ZNF684: variants seen among roughly 807,000 people sequenced by gnomAD.
ZNF684 encodes hypothetical protein MGC27466.
In ZNF684, 13 loss-of-function variants were observed where a neutral mutation model predicts 12.8. The observed-to-expected ratio is 1.02, with a 90% CI of 0.66 to 1.62. The LOEUF (loss-of-function observed/expected upper bound fraction) is 1.62. ZNF684 is among the 40% of genes most tolerant of loss of function. ZNF684 has a pLI of 0.00. For missense variants in ZNF684, 384 were observed against 446.9 expected, an observed-to-expected ratio of 0.86 and a Z score of 1.27; for synonymous variants, 118 against 151.8, an observed-to-expected ratio of 0.78 and a Z score of 1.64.
chr1:40,536,134 C>A (rs1645982514), intron 2 of ZNF684, among the ~76,000 whole-genome samples: 1 of 152,156 alleles, frequency 6.6e-6, no homozygotes, highest in African/African-American at 2.4e-5. Flanking sequence ...TGGCTCACGC[C>A]TGTAATCCCA....
chr1:40,543,994 CT>C lies in ZNF684; in HGVS notation c.238+2295del, dbSNP rs745382844. ...GGCTTTTAAGGCCTGTTTTCTTTTT[CT>C]TTTTTTTTTTATGATAGTGCCTGAA... On this transcript the variant is annotated intron_variant, in intron 4 of 4. Transcript: ENST00000372699. Among the ~76,000 whole-genome samples the C allele has an allele frequency of 3.3e-3, 469 of 143,700 alleles. 2 individuals carry two copies. Among genetic ancestry groups the C allele is most frequent in the Non-Finnish European group, 5.6e-3 (362 of 65,104 alleles). The allele number at this position is 143,700 out of a possible 152,430, so 94.3% of individuals were successfully genotyped here.
chr1:40,534,678 A>G (rs896770706), intron 2 of ZNF684, among the ~76,000 whole-genome samples: 10 of 151,692 alleles, frequency 6.6e-5, no homozygotes, highest in Non-Finnish European at 1.0e-4. Flanking sequence ...CTAATTGGCT[A>G]TTTTGGTAAA....
intron 2 of ZNF684, among the ~76,000 whole-genome samples, chr1:40,536,246 T>C (rs1361303423): frequency 4.0e-5 from 6 of 151,782 alleles, no homozygotes; most frequent in Admixed American, 2.6e-4. Context: ...ACAAAAAAAT[T>C]AGCCGGGCAT....
At chr1:40,541,757 A>G (rs747249622) in intron 4 of ZNF684, 47 bp downstream of exon 4, 3 of 1,507,784 alleles carry the variant, frequency 2.0e-6, no homozygotes, top group Non-Finnish European at 2.8e-6. Context: ...TGAGATCCCC[A>G]TTGGTCAGTG....
rs923975946 is a variant in ZNF684, at chr1:40,548,052, A to G, written c.*592A>G. 6.6e-6 allele frequency: 1 copy of G among 152,238 alleles called. No homozygotes were observed. The highest frequency in any genetic ancestry group is 2.4e-5 in the African/African-American group (1 of 41,448). 9.4% of individuals were successfully genotyped at this position (152,238 alleles called of 1,614,324 possible). ...TTTTCCTATGTATGTAAATACCAGA[A>G]CAAAAAACAAGACACTAATTGAGGA... On this transcript the variant is annotated 3_prime_UTR_variant, in exon 5 of 5. Transcript: ENST00000372699.
rs1432273047 is a variant in ZNF684 at position 40,540,713 on chromosome 1, G to A, written c.142+1G>A. 4 of 1,596,358 alleles carry A rather than the reference G, an allele frequency of 2.5e-6. No individual in the cohort carries two copies. In the East Asian group the frequency reaches 9.1e-5, roughly 36 times the overall value. The stretch of plus-strand genomic sequence containing the variant: ...AACTATAGAAACCTCATCTCAGTGG[G>A]TAAGGACAATGAGTGGTAACTTTTC... On this transcript the variant is annotated splice_donor_variant, in intron 3 of 4. Transcript: ENST00000372699. LOFTEE classifies it high-confidence loss of function.
At chr1:40,540,111 A>G (rs1437527663) in intron 2 of ZNF684, among the ~76,000 whole-genome samples, 1 of 152,098 alleles carries the variant, frequency 6.6e-6, no homozygotes, top group Non-Finnish European at 1.5e-5. Context: ...TTTAATTTTG[A>G]TGAATTCCTA....
chr1:40,539,651 A>G (rs1646004143), intron 2 of ZNF684, among the ~76,000 whole-genome samples: 1 of 152,190 alleles, frequency 6.6e-6, no homozygotes, highest in East Asian at 1.9e-4. Flanking sequence ...AACTGTCCTC[A>G]TAGAAGTGAA....
In ZNF684 at chr1:40,533,175, C is replaced by T. The variant is rs781465273; in HGVS notation, c.9C>T (p.Ser3=). The part of the protein sequence containing the change: MI[S]FQESVTFQDV... The stretch of plus-strand genomic sequence containing the variant: ...TGTAAGAGCTGCAGAAAATGATCAG[C>T]TTCCAGGTAAGGTATCCATCTATTC... Residue 3 remains serine (S), a synonymous_variant, in exon 2 of 5, where the codon AGC becomes AGT. Coordinates refer to ENST00000372699, the MANE Select transcript of ZNF684 (RefSeq NM_152373.4). The T allele has an allele frequency of 5.6e-6, 9 of 1,613,534 alleles. No homozygotes were observed. Among genetic ancestry groups the T allele is most frequent in the Non-Finnish European group, 6.8e-6 (8 of 1,179,702 alleles).
chr1:40,539,096 CT>C (rs1646000489), intron 2 of ZNF684, among the ~76,000 whole-genome samples: 3 of 151,872 alleles, frequency 2.0e-5, no homozygotes, highest in Non-Finnish European at 4.4e-5. Flanking sequence ...GTGGCGCAAT[CT>C]CGGCTCACTG....
chr1:40,547,242 G>A lies in ZNF684; in HGVS notation c.919G>A (p.Ala307Thr), dbSNP rs1417443834. The stretch of plus-strand genomic sequence containing the variant: ...CTACCAGTGTATCATATGTGGCAAA[G>A]CTTTTGGCAACACATCCGTGCTTGT... ...KPYQCIICGKAFGNTSVLVTH... is the reference protein window; with the variant it reads ...KPYQCIICGKTFGNTSVLVTH... Residue 307 changes from alanine (A) to threonine (T), a missense_variant, in exon 5 of 5, where the codon GCT becomes ACT. Transcript: ENST00000372699. The A allele has an allele frequency of 2.5e-6, 4 of 1,614,178 alleles. No homozygotes were observed. Among genetic ancestry groups the A allele is most frequent in the Admixed American group, 3.3e-5 (2 of 60,010 alleles).
chr1:40,544,901 G>A (rs76585039), intron 4 of ZNF684: 1 of 152,172 alleles, frequency 6.6e-6, no homozygotes. Context: ...AGGAGATAAG[G>A]GGGGGTGCAA....
At chr1:40,538,772 C>T (rs113336079) in intron 2 of ZNF684, among the ~76,000 whole-genome samples, 16 of 151,886 alleles carry the variant, frequency 1.1e-4, no homozygotes, top group Non-Finnish European at 1.8e-4. Context: ...TGCTTGAACC[C>T]GGGAGGCCCC....
chr1:40,545,972 G>T (rs2124512879), intron 4 of ZNF684, among the ~76,000 whole-genome samples: 1 of 140,240 alleles, frequency 7.1e-6, no homozygotes, highest in Non-Finnish European at 1.5e-5. Flanking sequence ...CACCAGGCTG[G>T]AGTACAATGG....
At chr1:40,546,479 G>A (rs958178015) in intron 4 of ZNF684, 83 bp from the exon 5 acceptor site, 1 of 1,315,404 alleles carries the variant, frequency 7.6e-7, no homozygotes, top group African/African-American at 1.5e-5. Context: ...ATGAGATACT[G>A]TATTTGAAAT....
At chr1:40,535,875 C>A (rs1480264204) in intron 2 of ZNF684, among the ~76,000 whole-genome samples, 4 of 152,178 alleles carry the variant, frequency 2.6e-5, no homozygotes, top group African/African-American at 9.7e-5. Context: ...TCTGTGGCAA[C>A]TACTCAACTC....
intron 3 of ZNF684, 45 bp downstream of exon 3, chr1:40,540,757 C>T: frequency 2.1e-6 from 3 of 1,441,158 alleles, no homozygotes; most frequent in Non-Finnish European, 2.8e-6. Flanking sequence ...TCAGTGTATA[C>T]TAATAGTGCT....
chr1:40,535,381 T>TA (rs750794704), intron 2 of ZNF684, among the ~76,000 whole-genome samples: 1 of 152,192 alleles, frequency 6.6e-6, no homozygotes, highest in Non-Finnish European at 1.5e-5. Flanking sequence ...TATTTTTTTT[T>TA]ATCTGCATTT....
chr1:40,540,307 G>A (rs1470798327), intron 2 of ZNF684, among the ~76,000 whole-genome samples: 1 of 152,132 alleles, frequency 6.6e-6, no homozygotes, highest in Admixed American at 6.5e-5. Context: ...GGGGAGTTCA[G>A]TGTCATACTT....
Sources: allele counts gnomAD v4.1 joint callset (sites outside exome capture counted in the v4.1 genomes callset), GRCh38; gene constraint gnomAD v4.1.1; transcripts MANE v1.5; gene names NCBI Gene and HGNC (gene_info 2026-07-23, HGNC 2026-07-21).